The following NLGN1 variants were observed in gnomAD, a reference collection of about 807,000 sequenced individuals.
NLGN1 encodes neuroligin 1, also known as neuroligin-1.
Under a neutral mutation model 65.5 loss-of-function variants are expected in NLGN1, and 12 were observed. The observed-to-expected ratio is 0.18, with a 90% confidence interval of 0.12 to 0.30. The LOEUF is 0.30. Ranked by LOEUF, NLGN1 falls within the 10% of genes least tolerant of loss-of-function variation. NLGN1 has a pLI of 1.00. For synonymous variants in NLGN1, 350 were observed against 359.5 expected, an observed-to-expected ratio of 0.97 and a Z score of 0.30; for missense variants, 750 against 1,007.1, an observed-to-expected ratio of 0.74 and a Z score of 3.46.
At chr3:174,145,192 T>C (rs1463479861) in intron 4 of NLGN1, among the ~76,000 whole-genome samples, 2 of 152,174 alleles carry the variant, frequency 1.3e-5, no homozygotes, top group South Asian at 4.1e-4. Flanking sequence ...TTGTTACCTA[T>C]TTTGTATTTA....
chr3:174,236,408 A>G (rs1577504029), intron 4 of NLGN1, among the ~76,000 whole-genome samples: 2 of 152,038 alleles, frequency 1.3e-5, no homozygotes, highest in Non-Finnish European at 2.9e-5. Context: ...AATATTTAAA[A>G]TTACTGTATT....
upstream of NLGN1, chr3:173,396,296 A>C (rs1716630563): frequency 6.6e-6 from 1 of 152,084 alleles, no homozygotes; most frequent in Admixed American, 6.6e-5. Flanking sequence ...GAAATTCTGC[A>C]TATTGAAGCA....
intron 2 of NLGN1, among the ~76,000 whole-genome samples, chr3:173,513,116 G>A (rs1733251988): frequency 6.6e-6 from 1 of 152,088 alleles, no homozygotes; most frequent in African/African-American, 2.4e-5. Flanking sequence ...GATAAACATT[G>A]GCACATTAGG....
chr3:173,857,984 C>A (rs1578825775), intron 4 of NLGN1, among the ~76,000 whole-genome samples: 1 of 134,440 alleles, frequency 7.4e-6, no homozygotes. Context: ...CCCAAGGCCA[C>A]TTAAAAAATT....
chr3:173,973,985 T>G (rs1716864631), intron 4 of NLGN1, among the ~76,000 whole-genome samples: 1 of 152,092 alleles, frequency 6.6e-6, no homozygotes, highest in South Asian at 2.1e-4. Context: ...GATAATTGAT[T>G]GACACTAAGA....
chr3:173,884,328 A>T lies in NLGN1; in HGVS notation c.646+76496A>T, dbSNP rs137864580. Among the ~76,000 whole-genome samples, 653 of 152,282 alleles carry T rather than the reference A, an allele frequency of 4.3e-3. 9 individuals carry two copies. The highest frequency in any genetic ancestry group is 0.014 in the African/African-American group (597 of 41,578). On this transcript the variant is annotated intron_variant, in intron 4 of 6. Transcript: ENST00000457714. ...TTCCTAGCACCTAATTTCTATTTCT[A>T]GGCATGCGCAAACATCCCGTCCTAG...
intron 3 of NLGN1, among the ~76,000 whole-genome samples, chr3:173,692,760 A>G (rs780784080): frequency 6.6e-5 from 10 of 152,128 alleles, no homozygotes; most frequent in Non-Finnish European, 1.3e-4. Context: ...CTTTTTTGCA[A>G]TATACTTAGA....
intron 4 of NLGN1, among the ~76,000 whole-genome samples, chr3:174,065,344 A>G (rs1268739028): frequency 6.6e-6 from 1 of 152,134 alleles, no homozygotes; most frequent in Non-Finnish European, 1.5e-5. Flanking sequence ...TAAGGGAGAA[A>G]GAGGATGTAT....
chr3:173,704,973 A>C (rs1323068272), intron 3 of NLGN1, among the ~76,000 whole-genome samples: 1 of 152,132 alleles, frequency 6.6e-6, no homozygotes, highest in African/African-American at 2.4e-5. Context: ...CAGTACTTTC[A>C]ATCTTGACAA....
chr3:173,973,811 G>A (rs1360566332), intron 4 of NLGN1, among the ~76,000 whole-genome samples: 1 of 151,998 alleles, frequency 6.6e-6, no homozygotes, highest in Non-Finnish European at 1.5e-5. Context: ...ACGAGCCATG[G>A]TAGTTTTATG....
chr3:174,082,567 C>A (rs1742450034), intron 4 of NLGN1, among the ~76,000 whole-genome samples: 1 of 151,088 alleles, frequency 6.6e-6, no homozygotes, highest in Non-Finnish European at 1.5e-5. Flanking sequence ...AGAATATATA[C>A]AATAGTATAT....
intron 4 of NLGN1, among the ~76,000 whole-genome samples, chr3:174,148,240 G>A (rs1028565967): frequency 2.6e-5 from 4 of 152,136 alleles, no homozygotes; most frequent in Non-Finnish European, 5.9e-5. Flanking sequence ...ACTTGTGAAT[G>A]TGTTAGGTTT....
At chr3:173,501,218 C>G (rs1731068326) in intron 2 of NLGN1, among the ~76,000 whole-genome samples, 2 of 152,018 alleles carry the variant, frequency 1.3e-5, no homozygotes, top group African/African-American at 4.8e-5. Flanking sequence ...GTATTAAGCC[C>G]TGCATGCATC....
chr3:174,149,700 T>C (rs1367888680), intron 4 of NLGN1, among the ~76,000 whole-genome samples: 2 of 151,960 alleles, frequency 1.3e-5, no homozygotes, highest in Non-Finnish European at 2.9e-5. Context: ...AACCCAAAGA[T>C]CTCTAAAAAT....
intron 4 of NLGN1, among the ~76,000 whole-genome samples, chr3:173,954,652 A>T (rs952337132): frequency 4.6e-5 from 7 of 152,076 alleles, no homozygotes; most frequent in African/African-American, 1.7e-4. Flanking sequence ...TAAGAGAAGT[A>T]ATCACTGATT....
chr3:174,241,716 C>A (rs548008779), intron 4 of NLGN1, among the ~76,000 whole-genome samples: 2 of 151,464 alleles, frequency 1.3e-5, no homozygotes, highest in African/African-American at 4.9e-5. Flanking sequence ...TGCAGTGGCA[C>A]GATCTCGGCT....
At chr3:173,651,046 G>A (rs1296726978) in intron 3 of NLGN1, among the ~76,000 whole-genome samples, 1 of 151,580 alleles carries the variant, frequency 6.6e-6, no homozygotes, top group East Asian at 1.9e-4. Flanking sequence ...AATATACATT[G>A]TATCCATTAA....
At chr3:173,684,771 C>G (rs1764448280) in intron 3 of NLGN1, among the ~76,000 whole-genome samples, 1 of 152,130 alleles carries the variant, frequency 6.6e-6, no homozygotes, top group Non-Finnish European at 1.5e-5. Context: ...GAAAGTTGTA[C>G]TTTAGTTGAA....
exon 7 of NLGN1, chr3:174,284,552 T>G (rs1751911229): frequency 6.6e-6 from 1 of 151,380 alleles, no homozygotes; most frequent in African/African-American, 2.4e-5. Context: ...TAAAATGAAC[T>G]TTATTTCATT....
Sources: gnomAD v4.1 joint callset for allele counts (sites outside exome capture counted in the v4.1 genomes callset) on GRCh38, gnomAD v4.1.1 for gene constraint, MANE v1.5 for transcripts, NCBI Gene and HGNC (gene_info 2026-07-23, HGNC 2026-07-21) for gene names.